TFF3: variants seen among roughly 807,000 people sequenced by gnomAD.
TFF3 encodes polypeptide P1.B.
In TFF3, 6 loss-of-function variants were observed where a neutral mutation model predicts 9.7. The observed-to-expected ratio is 0.62, with a 90% CI of 0.34 to 1.22. The LOEUF is 1.22. Among genes scored for constraint, TFF3 ranks in the 50% most tolerant of loss-of-function variants. The pLI is 0.04. For synonymous variants in TFF3, 48 were observed against 41.4 expected (o/e 1.16, Z -0.61); for missense variants, 93 against 98.6 (o/e 0.94, Z 0.24).
intron 2 of TFF3, 25 bp from the exon 3 acceptor site, chr21:42,312,294 T>A: frequency 1.3e-6 from 2 of 1,585,120 alleles, no homozygotes; most frequent in Non-Finnish European, 1.7e-6. Flanking sequence ...AAGGCTTGTG[T>A]GAGCAGTCTC....
chr21:42,313,545 A>G lies in TFF3; in HGVS notation c.169T>C (p.Cys57Arg), dbSNP rs1028292982. 3 of 1,610,942 alleles carry G rather than the reference A, an allele frequency of 1.9e-6. No homozygotes were observed. The African/African-American group carries it at 4.0e-5, about 22-fold the overall frequency. The change falls in exon 2 of 3, where the codon TGC (cysteine) becomes CGC (arginine). Residue 57 changes from cysteine to arginine, a missense_variant. Coordinates refer to ENST00000518498, the MANE Select transcript of TFF3 (RefSeq NM_003226.4). This position sits in a 1 kb window ranked among gnomAD's most constrained non-coding sequence, Gnocchi z 4.0. ...VTPKECNNRG[C>R]CFDSRIPGVP... Reference sequence around the variant, plus strand: ...CCAGGGATCCTGGAGTCAAAGCAGCAGCCCCGGTTGTTGCACTCCTTGGGG... The same window carrying G: ...CCAGGGATCCTGGAGTCAAAGCAGCGGCCCCGGTTGTTGCACTCCTTGGGG...
chr21:42,313,371 T>A lies in TFF3; in HGVS notation c.229+114A>T, dbSNP rs1406434124. On this transcript the variant is annotated intron_variant, in intron 2 of 2. Transcript: ENST00000518498. This position sits in a 1 kb window ranked among gnomAD's most constrained non-coding sequence, Gnocchi z 4.0. ...TGAGGCCTTGGAACAGGTGTGTGTG[T>A]GTGGCTTCCTGGGGTCCTTGTGCCT... is the stretch of plus-strand genomic sequence containing the variant. 22 of 1,300,394 alleles carry A rather than the reference T, an allele frequency of 1.7e-5. No individual in the cohort carries two copies. The allele number at this position is 1,300,394 out of a possible 1,614,324, so 80.6% of individuals were successfully genotyped here. A position where few individuals can be genotyped will look rare whatever the true frequency, so the allele number is the denominator to read the frequency against.
At position 42,312,439 on chromosome 21, in the gene TFF3, G is replaced by A. The variant is rs184965395; in HGVS notation, c.230-170C>T. ...GGGGAATAGCCAAGATTCCCACCTC[G>A]GGTTGCTAAGCAAGATAGTGGGACC... On this transcript the variant is annotated intron_variant, in intron 2 of 2. Transcript: ENST00000518498. 1.1e-3 allele frequency among the ~76,000 whole-genome samples: 173 copies of A among 152,318 alleles called. 1 individual carries two copies. The highest frequency in any genetic ancestry group is 4.0e-3 in the African/African-American group (165 of 41,568).
In TFF3 at chr21:42,313,556, T is replaced by A; in HGVS notation, c.158A>T (p.Asn53Ile). The stretch of plus-strand genomic sequence containing the variant: ...GGAGTCAAAGCAGCAGCCCCGGTTG[T>A]TGCACTCCTTGGGGGTGACATGGGG... Reference protein sequence around the residue: ...GYPHVTPKECNNRGCCFDSRI... With the variant: ...GYPHVTPKECINRGCCFDSRI... The change falls in exon 2 of 3, where the codon AAC (asparagine) becomes ATC (isoleucine). Residue 53 changes from asparagine to isoleucine, a missense_variant. By Grantham distance (149) the Asn-to-Ile change is moderately radical. Transcript: ENST00000518498. The surrounding 1 kb of genome is among the most constrained non-coding windows in gnomAD (Gnocchi z 4.0). 6.2e-7 allele frequency: 1 copy of A among 1,611,200 alleles called. No individual in the cohort carries two copies. Among genetic ancestry groups the A allele is most frequent in the Non-Finnish European group, 8.5e-7 (1 of 1,179,576 alleles).
chr21:42,312,277 CAG>C lies in TFF3; in HGVS notation c.230-10_230-9del, dbSNP rs2146376675. ...TGCCTCAGAAGGTGCATTCTGCAAACAGAGCAAAGGCTTGTGTGAGCAGTCTC... is the reference window on the plus strand; with the variant it reads ...TGCCTCAGAAGGTGCATTCTGCAAACAGCAAAGGCTTGTGTGAGCAGTCTC... On this transcript the variant is annotated splice_polypyrimidine_tract_variant and intron_variant, in intron 2 of 2. Transcript: ENST00000518498. 1 of 1,604,792 alleles carries C rather than the reference CAG, an allele frequency of 6.2e-7. No individual in the cohort carries two copies. Among genetic ancestry groups the C allele is most frequent in the Non-Finnish European group, 8.5e-7 (1 of 1,175,480 alleles).
At position 42,312,316 on chromosome 21, in the gene TFF3, G is replaced by A. The variant is rs541617196; in HGVS notation, c.230-47C>T. Reference sequence around the variant, plus strand: ...GTGTGAGCAGTCTCTCTCCACCCACGCTGCCCAGCTTCCCAAGGTCAGGGC... The same window carrying A: ...GTGTGAGCAGTCTCTCTCCACCCACACTGCCCAGCTTCCCAAGGTCAGGGC... On this transcript the variant is annotated intron_variant, in intron 2 of 2. Transcript: ENST00000518498. 3.3e-5 allele frequency: 51 copies of A among 1,550,182 alleles called. No homozygotes were observed. The South Asian group carries it at 4.5e-4, about 14-fold the overall frequency.
chr21:42,312,763 G>T (rs2069337896), intron 2 of TFF3, among the ~76,000 whole-genome samples: 1 of 152,186 alleles, frequency 6.6e-6, no homozygotes, highest in Non-Finnish European at 1.5e-5. Flanking sequence ...TCTGGATGCT[G>T]GTTCCAGGAA....
chr21:42,315,215 A>G, intron 1 of TFF3, 78 bp downstream of exon 1: 1 of 1,518,418 alleles, frequency 6.6e-7, no homozygotes, highest in Non-Finnish European at 8.8e-7. Flanking sequence ...TTATTAAATG[A>G]ATGCAGAATC....
Position 42,314,027 on chromosome 21 carries a change from G to A in TFF3, c.83-396C>T, listed in dbSNP as rs533340797. ...TGCCCCTTTGTTTTAAATGAAAACC[G>A]TGACAGGAGAGGCACACGCCATAGA... On this transcript the variant is annotated intron_variant, in intron 1 of 2. Transcript: ENST00000518498. Among the ~76,000 whole-genome samples the A allele has an allele frequency of 9.2e-5, 14 of 152,256 alleles. No homozygotes were observed. The East Asian group carries it at 1.5e-3, about 17-fold the overall frequency.
chr21:42,313,459 A>T lies in TFF3; in HGVS notation c.229+26T>A. ...CCCCCTGCCTTATGGGGCTGGGCCC[A>T]GACCACGATGCCACTGGGGCCTTAC... On this transcript the variant is annotated intron_variant, in intron 2 of 2. Transcript: ENST00000518498. The surrounding 1 kb of genome is among the most constrained non-coding windows in gnomAD (Gnocchi z 4.0). 6.3e-7 allele frequency: 1 copy of T among 1,594,626 alleles called. No individual in the cohort carries two copies. The highest frequency in any genetic ancestry group is 8.5e-7 in the Non-Finnish European group (1 of 1,170,700).
At position 42,312,140 on chromosome 21, in the gene TFF3, G is replaced by A. The variant is rs772790614; in HGVS notation, c.*116C>T. ...CCAGATATGAACTTTCAGCAGAAGCGCTTGCCGGGAGCAAAGGGACAGAAA... is the reference window on the plus strand; with the variant it reads ...CCAGATATGAACTTTCAGCAGAAGCACTTGCCGGGAGCAAAGGGACAGAAA... On this transcript the variant is annotated 3_prime_UTR_variant, in exon 3 of 3. Transcript: ENST00000518498. 2.6e-5 allele frequency: 36 copies of A among 1,406,478 alleles called. No individual in the cohort carries two copies. The highest frequency in any genetic ancestry group is 6.9e-5 in the South Asian group (6 of 87,030). 87.1% of individuals were successfully genotyped at this position (1,406,478 alleles called of 1,614,324 possible).
intron 2 of TFF3, among the ~76,000 whole-genome samples, chr21:42,312,826 G>A (rs2069338335): frequency 6.6e-6 from 1 of 152,180 alleles, no homozygotes; most frequent in South Asian, 2.1e-4. Context: ...ACTTGGACAT[G>A]GCAGATGGCT....
chr21:42,312,315 C>T (rs533093), intron 2 of TFF3, 46 bp from the exon 3 acceptor site: 583,009 of 1,551,714 alleles, frequency 0.38, 116,762 homozygotes, highest in Non-Finnish European at 0.41. Flanking sequence ...TCTCCACCCA[C>T]GCTGCCCAGC....
At chr21:42,314,455 A>G (rs1050674101) in intron 1 of TFF3, among the ~76,000 whole-genome samples, 3 of 152,142 alleles carry the variant, frequency 2.0e-5, no homozygotes, top group Admixed American at 2.0e-4. Context: ...GGAGTTTGAG[A>G]CCAGCTTGGC....
At chr21:42,312,945 G>A (rs1343174101) in intron 2 of TFF3, among the ~76,000 whole-genome samples, 6 of 152,246 alleles carry the variant, frequency 3.9e-5, no homozygotes, top group South Asian at 2.1e-4. Context: ...CAGGCTCTCC[G>A]CCCCTGGGGA....
rs890258917 is a variant in TFF3, at chr21:42,312,947, C to T, written c.229+538G>A. Among the ~76,000 whole-genome samples the T allele has an allele frequency of 3.3e-5, 5 of 152,136 alleles. No homozygotes were observed. The South Asian group carries it at 8.3e-4, about 25-fold the overall frequency. On this transcript the variant is annotated intron_variant, in intron 2 of 2. Transcript: ENST00000518498. ...CCCGCACAGCACGCAGGCTCTCCGC[C>T]CCTGGGGAGGGAACCCCCAGGGTGG... is the stretch of plus-strand genomic sequence containing the variant.
At position 42,312,324 on chromosome 21, in the gene TFF3, G is replaced by A. The variant is rs2069335530; in HGVS notation, c.230-55C>T. 4 of 1,545,908 alleles carry A rather than the reference G, an allele frequency of 2.6e-6. No individual in the cohort carries two copies. The Admixed American group carries it at 5.8e-5, about 22-fold the overall frequency. Reference sequence around the variant, plus strand: ...AGTCTCTCTCCACCCACGCTGCCCAGCTTCCCAAGGTCAGGGCAGGCTCCA... The same window carrying A: ...AGTCTCTCTCCACCCACGCTGCCCAACTTCCCAAGGTCAGGGCAGGCTCCA... On this transcript the variant is annotated intron_variant, in intron 2 of 2. Coordinates refer to ENST00000518498, the MANE Select transcript of TFF3 (RefSeq NM_003226.4).
At chr21:42,314,819 C>T (rs1358608390) in intron 1 of TFF3, among the ~76,000 whole-genome samples, 1 of 152,220 alleles carries the variant, frequency 6.6e-6, no homozygotes, top group Admixed American at 6.5e-5. Context: ...AAGCCATGCC[C>T]TCATTCCTTC....
At position 42,313,246 on chromosome 21, in the gene TFF3, T is replaced by C. The variant is rs2069340859; in HGVS notation, c.229+239A>G. Among the ~76,000 whole-genome samples, 1 of 152,212 alleles carries C rather than the reference T, an allele frequency of 6.6e-6. No individual in the cohort carries two copies. ...GTTCCCTCTATGCGATGCCATCATT[T>C]TGAACACCTTTTTGAAACAATTGCT... On this transcript the variant is annotated intron_variant, in intron 2 of 2. Transcript: ENST00000518498. The surrounding 1 kb of genome is among the most constrained non-coding windows in gnomAD (Gnocchi z 4.0).
Sources: gnomAD v4.1 joint callset for allele counts (sites outside exome capture counted in the v4.1 genomes callset) on GRCh38, gnomAD v4.1.1 for gene constraint, Gnocchi (gnomAD v3.1) non-coding constraint, MANE v1.5 for transcripts, NCBI Gene and HGNC (gene_info 2026-07-23, HGNC 2026-07-21) for gene names.